The following ANLN variants were observed in gnomAD, a reference collection of about 807,000 sequenced individuals.
The protein encoded by ANLN is anillin, actin binding protein.
A neutral mutation model predicts 135.1 loss-of-function variants in ANLN; 59 were observed. The observed-to-expected ratio is 0.44, with a 90% CI of 0.35 to 0.54. ANLN has a LOEUF of 0.54. ANLN is among the 20% of genes least tolerant of loss of function. The pLI is 0.00. For missense variants in ANLN, 1,182 were observed against 1,340.0 expected (o/e 0.88, Z 1.84); for synonymous variants, 406 against 456.4 (o/e 0.89, Z 1.41).
chr7:36,437,684 G>C (rs1213902081), intron 20 of ANLN, among the ~76,000 whole-genome samples: 1 of 152,008 alleles, frequency 6.6e-6, no homozygotes, highest in Middle Eastern at 3.4e-3. Flanking sequence ...TGTGCCTTTG[G>C]TATCATATCT....
chr7:36,452,392 G>A, intron 23 of ANLN, 85 bp from the exon 24 acceptor site: 1 of 1,552,856 alleles, frequency 6.4e-7, no homozygotes, highest in Non-Finnish European at 8.8e-7. Flanking sequence ...GGTTTATTTA[G>A]TCATTTTTTT....
intron 22 of ANLN, among the ~76,000 whole-genome samples, chr7:36,448,398 C>CG (rs1789107347): frequency 6.6e-6 from 1 of 152,112 alleles, no homozygotes; most frequent in Non-Finnish European, 1.5e-5. Flanking sequence ...ATTAATTATT[C>CG]GTTTTCAGGT....
intron 1 of ANLN, among the ~76,000 whole-genome samples, chr7:36,391,127 A>C (rs1031596101): frequency 1.3e-5 from 2 of 152,188 alleles, no homozygotes; most frequent in African/African-American, 4.8e-5. Flanking sequence ...TTCTGTTTCA[A>C]ATTCTTAATC....
chr7:36,392,869 T>TACTG (rs1307564610), intron 1 of ANLN, among the ~76,000 whole-genome samples: 1 of 152,178 alleles, frequency 6.6e-6, no homozygotes, highest in East Asian at 1.9e-4. Context: ...ACTGAAGCTG[T>TACTG]ACTGACTCAC....
At chr7:36,410,409 A>T in intron 5 of ANLN, 105 bp from the exon 6 acceptor site, 1 of 994,650 alleles carries the variant, frequency 1.0e-6, no homozygotes, top group Admixed American at 3.2e-5. Flanking sequence ...TTCCTGATAG[A>T]ATCAAAGCAT....
At chr7:36,421,759 C>G (rs1787885184) in intron 12 of ANLN, 98 bp from the exon 13 acceptor site, 1 of 1,174,348 alleles carries the variant, frequency 8.5e-7, no homozygotes, top group African/African-American at 1.6e-5. Context: ...TCTGGAAATT[C>G]TAGAAACTAT....
At chr7:36,418,295 G>A (rs1787729954) in intron 9 of ANLN, among the ~76,000 whole-genome samples, 1 of 152,188 alleles carries the variant, frequency 6.6e-6, no homozygotes, top group Non-Finnish European at 1.5e-5. Context: ...GAGGGGTGAG[G>A]TGGGTGTGGG....
chr7:36,400,807 A>T (rs1232878661), intron 3 of ANLN, among the ~76,000 whole-genome samples: 4 of 152,180 alleles, frequency 2.6e-5, no homozygotes, highest in Non-Finnish European at 5.9e-5. Context: ...CACATAGACC[A>T]TAGGATTAGA....
rs138341977 is a variant in ANLN, at chr7:36,408,033, T to C, written c.1096+77T>C. 5.0e-4 allele frequency: 577 copies of C among 1,154,916 alleles called. 3 individuals are homozygous for C. In the African/African-American group the frequency reaches 7.9e-3, roughly 16 times the overall value. 71.5% of individuals were successfully genotyped at this position (1,154,916 alleles called of 1,614,324 possible). On this transcript the variant is annotated intron_variant, in intron 5 of 23. Transcript: ENST00000265748. ...ATTCTCAGCATTTTAAATATTCAAT[T>C]GTGAATGGTACAGCAATGATTTGCC...
At position 36,396,437 on chromosome 7, in the gene ANLN, GA is replaced by G; in HGVS notation, c.172+23del. ...TGGTGAAGGTAAAAGACTTTGTGGG[GA>G]AAAATAACATTTACTTTTTTTTTCT... On this transcript the variant is annotated intron_variant, in intron 2 of 23. Transcript: ENST00000265748. 6.6e-7 allele frequency: 1 copy of G among 1,521,548 alleles called. No individual in the cohort carries two copies. The highest frequency in any genetic ancestry group is 8.9e-7 in the Non-Finnish European group (1 of 1,127,118). 94.3% of individuals were successfully genotyped at this position (1,521,548 alleles called of 1,614,324 possible). A position where few individuals can be genotyped will look rare whatever the true frequency, so the allele number is the denominator to read the frequency against.
Position 36,452,808 on chromosome 7 carries a change from T to G in ANLN, c.*208T>G. 1 of 397,286 alleles carries G rather than the reference T, an allele frequency of 2.5e-6. No individual in the cohort carries two copies. The highest frequency in any genetic ancestry group is 4.3e-6 in the Non-Finnish European group (1 of 230,378). The allele number at this position is 397,286 out of a possible 1,614,324, so 24.6% of individuals were successfully genotyped here. ...CATCAATGAGTAGAAGTAAATACATTATAGTTGATTTTGCTAAATCTTAAT... is the reference window on the plus strand; with the variant it reads ...CATCAATGAGTAGAAGTAAATACATGATAGTTGATTTTGCTAAATCTTAAT... On this transcript the variant is annotated 3_prime_UTR_variant, in exon 24 of 24. Transcript: ENST00000265748.
At chr7:36,400,150 A>T (rs1403020077) in intron 3 of ANLN, among the ~76,000 whole-genome samples, 2 of 152,218 alleles carry the variant, frequency 1.3e-5, no homozygotes, top group African/African-American at 4.8e-5. Flanking sequence ...CTAGAGGCCT[A>T]TGCGAAGACA....
chr7:36,393,686 A>C (rs1200477166), intron 1 of ANLN, among the ~76,000 whole-genome samples: 1 of 152,204 alleles, frequency 6.6e-6, no homozygotes, highest in Non-Finnish European at 1.5e-5. Flanking sequence ...AACTGGCCAG[A>C]ATCAGTTCAT....
rs1183042220 is a variant in ANLN at position 36,420,078 on chromosome 7, C to G, written c.1870-91C>G. 4.7e-6 allele frequency: 6 copies of G among 1,280,088 alleles called. No individual in the cohort carries two copies. In the African/African-American group the frequency reaches 9.0e-5, roughly 19 times the overall value. 79.3% of individuals were successfully genotyped at this position (1,280,088 alleles called of 1,614,324 possible). A position where few individuals can be genotyped will look rare whatever the true frequency, so the allele number is the denominator to read the frequency against. ...ATCAATCAGCTTACTGGATTTTTTT[C>G]TTAATATTAATGGAGAATTCATTGA... On this transcript the variant is annotated intron_variant, in intron 10 of 23. Coordinates refer to ENST00000265748, the MANE Select transcript of ANLN (RefSeq NM_018685.5).
intron 7 of ANLN, 79 bp from the exon 8 acceptor site, chr7:36,415,675 TAATC>T: frequency 7.3e-7 from 1 of 1,367,530 alleles, no homozygotes; most frequent in Non-Finnish European, 9.8e-7. Context: ...TATTTAATAA[TAATC>T]TTGTTTCATT....
At chr7:36,408,860 C>T (rs554635782) in intron 5 of ANLN, among the ~76,000 whole-genome samples, 4 of 152,300 alleles carry the variant, frequency 2.6e-5, no homozygotes, top group Admixed American at 6.5e-5. Context: ...CACACTTCCA[C>T]GTACTGTTAA....
At chr7:36,448,579 C>T (rs1789113054) in intron 22 of ANLN, among the ~76,000 whole-genome samples, 1 of 152,178 alleles carries the variant, frequency 6.6e-6, no homozygotes, top group African/African-American at 2.4e-5. Flanking sequence ...TACTATTCTT[C>T]ATTCTCCCTT....
intron 18 of ANLN, 117 bp downstream of exon 18, chr7:36,425,857 C>T: frequency 8.5e-7 from 1 of 1,172,252 alleles, no homozygotes; most frequent in Admixed American, 2.2e-5. Context: ...TTAACATGTA[C>T]TAATGGGGGG....
At chr7:36,415,707 A>C (rs200874435) in intron 7 of ANLN, 51 bp from the exon 8 acceptor site, 15 of 1,503,448 alleles carry the variant, frequency 1.0e-5, no homozygotes, top group Non-Finnish European at 3.6e-6. Flanking sequence ...ATAGAAAGAT[A>C]AAATATATAG....
Sources: gnomAD v4.1 joint callset for allele counts (sites outside exome capture counted in the v4.1 genomes callset) on GRCh38, gnomAD v4.1.1 for gene constraint, MANE v1.5 for transcripts, NCBI Gene and HGNC (gene_info 2026-07-23, HGNC 2026-07-21) for gene names.